The following TMEM156 variants were observed in gnomAD, a reference collection of about 807,000 sequenced individuals.
The protein encoded by TMEM156 is transmembrane protein 156.
In TMEM156, 28 loss-of-function variants were observed where a neutral mutation model predicts 30.5. The ratio of observed to expected loss-of-function variants is 0.92; its 90% CI spans 0.68 to 1.26. The LOEUF (loss-of-function observed/expected upper bound fraction) is 1.26. TMEM156 is among the 50% of genes most tolerant of loss of function. The pLI, the probability that TMEM156 is intolerant of heterozygous loss-of-function variation, is 0.00. For missense variants in TMEM156, 351 were observed against 340.6 expected (o/e 1.03, Z -0.24); for synonymous variants, 137 against 119.9 (o/e 1.14, Z -0.93).
chr4:38,992,687 TA>T (rs1391128495), intron 3 of TMEM156, among the ~76,000 whole-genome samples: 3 of 42,220 alleles, frequency 7.1e-5, no homozygotes, highest in African/African-American at 1.6e-4. Flanking sequence ...ATATATTATA[TA>T]ATATATTATA....
intron 1 of TMEM156, among the ~76,000 whole-genome samples, chr4:38,999,115 T>TTATTTTA (rs1560372092): frequency 4.2e-5 from 3 of 72,140 alleles, no homozygotes; most frequent in Non-Finnish European, 6.4e-5. Flanking sequence ...TATTTATTTT[T>TTATTTTA]TTTTTTTTTT....
chr4:38,989,417 C>T (rs1430237047), intron 3 of TMEM156, among the ~76,000 whole-genome samples: 1 of 152,288 alleles, frequency 6.6e-6, no homozygotes, highest in Non-Finnish European at 1.5e-5. Flanking sequence ...GAAAGGCAGG[C>T]AGTCAAAGGA....
intron 5 of TMEM156, among the ~76,000 whole-genome samples, chr4:38,974,962 C>T (rs1030148638): frequency 6.6e-6 from 1 of 151,908 alleles, no homozygotes; most frequent in Admixed American, 6.6e-5. Flanking sequence ...CATGAGCCAC[C>T]GCGCCTGATC....
intron 1 of TMEM156, among the ~76,000 whole-genome samples, chr4:39,018,237 AC>A (rs1714628515): frequency 6.6e-6 from 1 of 152,184 alleles, no homozygotes; most frequent in Non-Finnish European, 1.5e-5. Context: ...CCTCTCTCAA[AC>A]AATACAAGGG....
Position 39,028,546 on chromosome 4 carries a change from C to T in TMEM156, c.88+3680G>A, listed in dbSNP as rs558531046. ...GTTTGCCAGTCAGTTGTCCTCCCGACTGAAAACTCCTTGATCAAAGAGTTG... is the reference window on the plus strand; with the variant it reads ...GTTTGCCAGTCAGTTGTCCTCCCGATTGAAAACTCCTTGATCAAAGAGTTG... On this transcript the variant is annotated intron_variant, in intron 1 of 6. Transcript: ENST00000381938. 3 of 152,304 alleles carry T rather than the reference C, an allele frequency of 2.0e-5. No individual in the cohort carries two copies. The East Asian group carries it at 5.8e-4, about 29-fold the overall frequency. 9.4% of individuals were successfully genotyped at this position (152,304 alleles called of 1,614,324 possible). A position where few individuals can be genotyped will look rare whatever the true frequency, so the allele number is the denominator to read the frequency against.
In TMEM156 at chr4:38,998,757, G is replaced by A. The variant is rs13118782; in HGVS notation, c.241C>T (p.Arg81Cys). 5.0e-6 allele frequency: 8 copies of A among 1,613,714 alleles called. No individual in the cohort carries two copies. Among genetic ancestry groups the A allele is most frequent in the African/African-American group, 1.3e-5 (1 of 74,858 alleles). Residue 81 changes from arginine (R) to cysteine (C), a missense_variant, in exon 2 of 7, where the codon CGT becomes TGT. Transcript: ENST00000381938. ...MRIFLNPSNF[R>C]NFTRTCQDIT... ...TCTTGGCAAGTCCTGGTGAAGTTAC[G>A]AAAATTGGAGGGATTTAGAAAGATT...
chr4:39,011,712 G>T (rs1714134429), intron 1 of TMEM156, among the ~76,000 whole-genome samples: 1 of 152,150 alleles, frequency 6.6e-6, no homozygotes, highest in African/African-American at 2.4e-5. Context: ...GGCGGAGGTT[G>T]CAGTGAGCCG....
At chr4:39,008,194 T>C (rs923236509) in intron 1 of TMEM156, among the ~76,000 whole-genome samples, 3 of 152,184 alleles carry the variant, frequency 2.0e-5, no homozygotes, top group African/African-American at 7.2e-5. Context: ...GCATTCTTGC[T>C]TGCTCCTGAT....
Position 39,032,374 on chromosome 4 carries a change from C to A in TMEM156, c.-61G>T. ...TACATTCATGGTATGTTGCTTCCTG[C>A]TTTAAGTTTATCTCTGCAGCACTTT... On this transcript the variant is annotated 5_prime_UTR_variant, in exon 1 of 7. Coordinates refer to ENST00000381938, the MANE Select transcript of TMEM156 (RefSeq NM_024943.3). The A allele has an allele frequency of 9.5e-7, 1 of 1,050,994 alleles. No homozygotes were observed. The highest frequency in any genetic ancestry group is 1.4e-6 in the Non-Finnish European group (1 of 690,650). 65.1% of individuals were successfully genotyped at this position (1,050,994 alleles called of 1,614,324 possible). A position where few individuals can be genotyped will look rare whatever the true frequency, so the allele number is the denominator to read the frequency against.
At chr4:38,980,657 G>A (rs570742445) in intron 5 of TMEM156, among the ~76,000 whole-genome samples, 1 of 152,302 alleles carries the variant, frequency 6.6e-6, no homozygotes, top group African/African-American at 2.4e-5. Flanking sequence ...AAGATGTACG[G>A]TGTTATGAGG....
At chr4:39,003,228 T>C (rs1713502219) in intron 1 of TMEM156, among the ~76,000 whole-genome samples, 2 of 152,174 alleles carry the variant, frequency 1.3e-5, no homozygotes, top group Non-Finnish European at 2.9e-5. Flanking sequence ...AGAGCTAATT[T>C]ACTAGCCTTC....
chr4:38,991,133 T>C (rs4607222), intron 3 of TMEM156, among the ~76,000 whole-genome samples: 73,706 of 150,174 alleles, frequency 0.49, 18,735 homozygotes, highest in East Asian at 0.71. Context: ...CCTCGCCCAG[T>C]TAAGAAGGCT....
intron 2 of TMEM156, among the ~76,000 whole-genome samples, chr4:38,994,349 C>T (rs1412661841): frequency 1.3e-5 from 2 of 152,114 alleles, no homozygotes; most frequent in East Asian, 3.9e-4. Flanking sequence ...TGGTCTCCAA[C>T]TTTTGGACTC....
intron 1 of TMEM156, among the ~76,000 whole-genome samples, chr4:39,015,060 T>C (rs940206665): frequency 3.9e-5 from 6 of 152,238 alleles, no homozygotes; most frequent in Non-Finnish European, 5.9e-5. Context: ...GATATGTGTC[T>C]TTGTGTTTCA....
chr4:39,027,195 T>C (rs1430406358), intron 1 of TMEM156, among the ~76,000 whole-genome samples: 2 of 152,216 alleles, frequency 1.3e-5, no homozygotes, highest in East Asian at 3.8e-4. Context: ...CATAAGGCCT[T>C]ATTGGGGATT....
intron 5 of TMEM156, among the ~76,000 whole-genome samples, chr4:38,975,358 AT>A (rs935216158): frequency 2.8e-5 from 4 of 141,404 alleles, no homozygotes; most frequent in African/African-American, 7.9e-5. Flanking sequence ...GCAGTCTGTG[AT>A]TTTTTTTCTT....
intron 1 of TMEM156, among the ~76,000 whole-genome samples, chr4:39,000,748 A>C (rs545126533): frequency 1.2e-3 from 183 of 152,048 alleles, no homozygotes; most frequent in African/African-American, 4.2e-3. Flanking sequence ...TTAGCCAGGC[A>C]TGGTGGTGGG....
chr4:39,030,038 G>A (rs1276071638), intron 1 of TMEM156, among the ~76,000 whole-genome samples: 2 of 151,950 alleles, frequency 1.3e-5, no homozygotes, highest in African/African-American at 2.4e-5. Flanking sequence ...CCCAAGTAGG[G>A]TTCCTTTGAA....
intron 6 of TMEM156, among the ~76,000 whole-genome samples, chr4:38,969,283 T>A (rs1313275778): frequency 6.6e-6 from 1 of 152,168 alleles, no homozygotes; most frequent in Non-Finnish European, 1.5e-5. Context: ...CCACTCTACT[T>A]CCATGTGATC....
Sources: gnomAD v4.1 joint callset for allele counts (sites outside exome capture counted in the v4.1 genomes callset) on GRCh38, gnomAD v4.1.1 for gene constraint, MANE v1.5 for transcripts, NCBI Gene and HGNC (gene_info 2026-07-23, HGNC 2026-07-21) for gene names.